RGS5: variants seen among roughly 807,000 people sequenced by gnomAD.
RGS5 encodes regulator of G protein signaling 5, also known as regulator of G-protein signalling 5.
A neutral mutation model predicts 18.9 loss-of-function variants in RGS5; 20 were observed. The observed-to-expected ratio is 1.06, with a 90% CI of 0.74 to 1.54. The LOEUF (loss-of-function observed/expected upper bound fraction) is 1.54, where lower values mean the gene tolerates loss of function less well. Among genes scored for constraint, RGS5 ranks in the 40% most tolerant of loss-of-function variants. The probability of loss-of-function intolerance (pLI) is 0.00; values close to 1 mark genes in which losing one functional copy is unlikely to be tolerated. For missense variants in RGS5, 201 were observed against 211.8 expected (o/e 0.95, Z 0.32); for synonymous variants, 57 against 76.2 (o/e 0.75, Z 1.31).
At chr1:163,200,475 G>A (rs1659735407) in intron 1 of RGS5, among the ~76,000 whole-genome samples, 1 of 152,116 alleles carries the variant, frequency 6.6e-6, no homozygotes, top group Non-Finnish European at 1.5e-5. Context: ...CTGTGTGGGG[G>A]AGGAAGGTGG....
intron 3 of RGS5, among the ~76,000 whole-genome samples, chr1:163,154,345 C>T (rs1021496311): frequency 6.6e-5 from 10 of 152,054 alleles, no homozygotes; most frequent in South Asian, 2.1e-4. Context: ...CTTCACAGTA[C>T]CCTGAAACCA....
intron 3 of RGS5, among the ~76,000 whole-genome samples, chr1:163,159,466 G>A (rs889687287): frequency 3.9e-5 from 6 of 152,104 alleles, no homozygotes; most frequent in Admixed American, 3.9e-4. Context: ...GGCTTCAGTC[G>A]ATCCCTCCAT....
chr1:163,261,992 A>G (rs1464565226), intron 2 of RGS5, among the ~76,000 whole-genome samples: 1 of 151,976 alleles, frequency 6.6e-6, no homozygotes, highest in Non-Finnish European at 1.5e-5. Context: ...GATATTCTTG[A>G]GCAAAGCAAT....
chr1:163,164,636 T>C (rs1430168416), intron 2 of RGS5, among the ~76,000 whole-genome samples: 1 of 152,186 alleles, frequency 6.6e-6, no homozygotes, highest in Non-Finnish European at 1.5e-5. Context: ...AATAAATGTG[T>C]GTCAGATTAA....
intron 2 of RGS5, among the ~76,000 whole-genome samples, chr1:163,229,614 T>C (rs566368406): frequency 6.6e-6 from 1 of 152,334 alleles, no homozygotes; most frequent in African/African-American, 2.4e-5. Context: ...CCTCACCACA[T>C]TGGTTTCTTT....
chr1:163,150,749 A>C (rs962426348), intron 4 of RGS5, among the ~76,000 whole-genome samples: 2 of 152,170 alleles, frequency 1.3e-5, no homozygotes, highest in African/African-American at 4.8e-5. Context: ...CCTAACCTCC[A>C]ACCCTGTGTC....
chr1:163,180,686 GTTTTTTTTTTTT>G (rs1026995196), intron 1 of RGS5, among the ~76,000 whole-genome samples: 1 of 61,964 alleles, frequency 1.6e-5, no homozygotes, highest in East Asian at 4.3e-4. Flanking sequence ...CCCTTACCCT[GTTTTTTTTTTTT>G]TTTTTTTTTT....
chr1:163,210,164 T>C (rs1372703784), intron 1 of RGS5, among the ~76,000 whole-genome samples: 1 of 151,814 alleles, frequency 6.6e-6, no homozygotes, highest in Admixed American at 6.6e-5. Context: ...TAATTTTTTT[T>C]TTCGTATTTT....
intron 2 of RGS5, among the ~76,000 whole-genome samples, chr1:163,228,203 C>A (rs886443789): frequency 1.3e-5 from 2 of 152,228 alleles, no homozygotes; most frequent in African/African-American, 2.4e-5. Context: ...ATCCTCACTG[C>A]CATAGCAGAG....
chr1:163,301,039 G>T (rs1014284226), intron 2 of RGS5, among the ~76,000 whole-genome samples: 1 of 152,190 alleles, frequency 6.6e-6, no homozygotes, highest in Non-Finnish European at 1.5e-5. Context: ...TCAGCAATGA[G>T]GTTGAGGAGA....
At chr1:163,275,872 G>A (rs1490473535) in intron 2 of RGS5, among the ~76,000 whole-genome samples, 1 of 152,132 alleles carries the variant, frequency 6.6e-6, no homozygotes, top group Non-Finnish European at 1.5e-5. Context: ...GAAATTGTAA[G>A]GGCTGGTTTT....
At chr1:163,310,299 T>C (rs1649819120) in intron 1 of RGS5, among the ~76,000 whole-genome samples, 1 of 152,148 alleles carries the variant, frequency 6.6e-6, no homozygotes, top group Non-Finnish European at 1.5e-5. Context: ...TGAAAGTCCT[T>C]AGATGGGCCA....
Position 163,155,938 on chromosome 1 carries a change from T to C in RGS5, c.218-3222A>G, listed in dbSNP as rs373043352. On this transcript the variant is annotated intron_variant, in intron 3 of 4. Coordinates refer to ENST00000313961, the MANE Select transcript of RGS5 (RefSeq NM_003617.4). Reference sequence around the variant, plus strand: ...ATTACAATTCCAGAGTTCGCCCTAATGAATGGTGTCACTTTTGACATCCAT... The same window carrying C: ...ATTACAATTCCAGAGTTCGCCCTAACGAATGGTGTCACTTTTGACATCCAT... Among the ~76,000 whole-genome samples the C allele has an allele frequency of 2.3e-4, 35 of 152,280 alleles. 1 individual carries two copies. The highest frequency in any genetic ancestry group is 8.4e-4 in the African/African-American group (35 of 41,562).
intron 2 of RGS5, among the ~76,000 whole-genome samples, chr1:163,245,356 C>G (rs1647900639): frequency 6.6e-6 from 1 of 152,184 alleles, no homozygotes; most frequent in South Asian, 2.1e-4. Context: ...TATCTTTTCC[C>G]CATGACAACT....
chr1:163,162,320 A>C (rs1434806434), intron 2 of RGS5, among the ~76,000 whole-genome samples: 1 of 152,170 alleles, frequency 6.6e-6, no homozygotes, highest in African/African-American at 2.4e-5. Flanking sequence ...ATATAACTTC[A>C]TGAAATCCAG....
intron 2 of RGS5, among the ~76,000 whole-genome samples, chr1:163,271,787 G>A (rs61812168): frequency 0.14 from 21,092 of 152,046 alleles, 1,736 homozygotes; most frequent in South Asian, 0.24. Flanking sequence ...ATATGTTTTC[G>A]TTTCTCTTGC....
At chr1:163,210,816 C>T (rs778769964) in intron 1 of RGS5, 2 of 152,064 alleles carry the variant, frequency 1.3e-5, no homozygotes, top group Non-Finnish European at 2.9e-5. Context: ...ATGGAATTAC[C>T]TCCTCTAAGA....
intron 2 of RGS5, among the ~76,000 whole-genome samples, chr1:163,240,524 A>AC (rs1647761219): frequency 1.3e-5 from 2 of 152,078 alleles, no homozygotes; most frequent in African/African-American, 4.8e-5. Flanking sequence ...TTGGAAAAAA[A>AC]ATTTTTTAAG....
intron 1 of RGS5, among the ~76,000 whole-genome samples, chr1:163,182,355 G>A (rs2102417225): frequency 6.6e-6 from 1 of 152,282 alleles, no homozygotes; most frequent in South Asian, 2.1e-4. Context: ...CTGCTGCCTA[G>A]TTCAGCTCAA....
Sources: gnomAD v4.1 joint callset for allele counts (sites outside exome capture counted in the v4.1 genomes callset) on GRCh38, gnomAD v4.1.1 for gene constraint, MANE v1.5 for transcripts, NCBI Gene and HGNC (gene_info 2026-07-23, HGNC 2026-07-21) for gene names.